The following DHRSX variants were observed in gnomAD, a reference collection of about 807,000 sequenced individuals.
DHRSX encodes the protein polyprenol dehydrogenase.
Under a neutral mutation model 34.0 loss-of-function variants are expected in DHRSX, and 31 were observed. That is an observed-to-expected ratio of 0.91 (90% CI 0.69 to 1.23). DHRSX has a LOEUF of 1.23. DHRSX is among the 50% of genes most tolerant of loss of function. The pLI is 0.00. For missense variants in DHRSX, 414 were observed against 428.1 expected (o/e 0.97, Z 0.29); for synonymous variants, 201 against 183.8 (o/e 1.09, Z -0.76).
intron 3 of DHRSX, among the ~76,000 whole-genome samples, chrX:2,319,247 C>T (rs1345410693): frequency 1.4e-5 from 2 of 146,916 alleles, no homozygotes; most frequent in East Asian, 2.1e-4. Context: ...TCCCCTCCCC[C>T]TCCTCTCCCT....
At chrX:2,349,314 G>A (rs1264376222) in intron 3 of DHRSX, among the ~76,000 whole-genome samples, 1 of 151,188 alleles carries the variant, frequency 6.6e-6, no homozygotes, top group East Asian at 1.9e-4. Context: ...CAGGCCTGGC[G>A]ACAGACTGAC....
intron 1 of DHRSX, among the ~76,000 whole-genome samples, chrX:2,468,105 G>T (rs6567551): frequency 0.34 from 51,107 of 151,892 alleles, 9,024 homozygotes; most frequent in African/African-American, 0.46. Context: ...AAGTCTACAC[G>T]AATATAAAGA....
intron 3 of DHRSX, among the ~76,000 whole-genome samples, chrX:2,338,930 A>C (rs1349973683): frequency 6.6e-6 from 1 of 151,850 alleles, no homozygotes; most frequent in Non-Finnish European, 1.5e-5. Flanking sequence ...TTCCCACGAG[A>C]CCACCTACTT....
chrX:2,478,161 C>T (rs935167256), intron 1 of DHRSX, among the ~76,000 whole-genome samples: 15 of 152,026 alleles, frequency 9.9e-5, no homozygotes, highest in South Asian at 2.1e-4. Context: ...AAGAAGGATG[C>T]GGACAGGGCA....
chrX:2,493,161 G>A (rs2045199596), intron 1 of DHRSX, among the ~76,000 whole-genome samples: 1 of 152,300 alleles, frequency 6.6e-6, no homozygotes, highest in Non-Finnish European at 1.5e-5. Context: ...TAACATGACC[G>A]GGACTTCCAC....
chrX:2,253,423 C>G (rs865789289), intron 5 of DHRSX, among the ~76,000 whole-genome samples: 1 of 136,374 alleles, frequency 7.3e-6, no homozygotes, highest in East Asian at 2.0e-4. Context: ...CGGACATGGC[C>G]GTGAGCCAAG....
rs759937255 is a variant in DHRSX, at chrX:2,432,023, T to C, written c.110-6719A>G. Among the ~76,000 whole-genome samples, 182 of 152,104 alleles carry C rather than the reference T, an allele frequency of 1.2e-3. 1 individual carries two copies. Among genetic ancestry groups the C allele is most frequent in the Non-Finnish European group, 2.1e-3 (145 of 67,986 alleles). ...CTGGCCAACATGGTGAAACCGCATCTCTACTAAAAATACAAAATTTAGCTG... is the reference window on the plus strand; with the variant it reads ...CTGGCCAACATGGTGAAACCGCATCCCTACTAAAAATACAAAATTTAGCTG... On this transcript the variant is annotated intron_variant, in intron 1 of 6. Coordinates refer to ENST00000334651, the MANE Select transcript of DHRSX (RefSeq NM_145177.3).
chrX:2,390,354 T>C (rs189111649), intron 3 of DHRSX, among the ~76,000 whole-genome samples: 1 of 151,452 alleles, frequency 6.6e-6, no homozygotes, highest in African/African-American at 2.4e-5. Flanking sequence ...GTCAGGCTCG[T>C]CTCAAACTCC....
At chrX:2,267,403 G>A (rs986671050) in intron 4 of DHRSX, among the ~76,000 whole-genome samples, 23 of 152,042 alleles carry the variant, frequency 1.5e-4, no homozygotes, top group African/African-American at 5.3e-4. Context: ...AAATTAGCCA[G>A]GTTTGGTGGC....
chrX:2,451,265 T>C (rs1002063810), intron 1 of DHRSX, among the ~76,000 whole-genome samples: 5 of 146,210 alleles, frequency 3.4e-5, no homozygotes, highest in Non-Finnish European at 7.5e-5. Flanking sequence ...GCATCAAGAA[T>C]GAAAGGTGCA....
chrX:2,361,111 T>C (rs1245744398), intron 3 of DHRSX, among the ~76,000 whole-genome samples: 1 of 152,092 alleles, frequency 6.6e-6, no homozygotes, highest in Non-Finnish European at 1.5e-5. Context: ...ATACACATTA[T>C]CATAAAAGTT....
At position 2,445,497 on chromosome X, in the gene DHRSX, T is replaced by C. The variant is rs770988987; in HGVS notation, c.110-20193A>G. Reference sequence around the variant, plus strand: ...AATGGTATTTGCTACTATCTGAAAGTTTGTGTTCCTCCCCCAAATTCCTGC... The same window carrying C: ...AATGGTATTTGCTACTATCTGAAAGCTTGTGTTCCTCCCCCAAATTCCTGC... On this transcript the variant is annotated intron_variant, in intron 1 of 6. Transcript: ENST00000334651. Among the ~76,000 whole-genome samples the C allele has an allele frequency of 2.0e-5, 3 of 152,250 alleles. No homozygotes were observed. The East Asian group carries it at 5.8e-4, about 29-fold the overall frequency.
chrX:2,371,245 G>A (rs1310267489), intron 3 of DHRSX, among the ~76,000 whole-genome samples: 12 of 141,508 alleles, frequency 8.5e-5, no homozygotes, highest in African/African-American at 2.9e-4. Context: ...CATTACCATA[G>A]TCCCTCCTCC....
intron 1 of DHRSX, among the ~76,000 whole-genome samples, chrX:2,450,040 C>A (rs767334892): frequency 2.6e-5 from 4 of 152,104 alleles, no homozygotes; most frequent in Admixed American, 2.0e-4. Flanking sequence ...ACCTCACATG[C>A]GTTACCTAAG....
At position 2,302,382 on chromosome X, in the gene DHRSX, C is replaced by T. The variant is rs182096122; in HGVS notation, c.287-10779G>A. Among the ~76,000 whole-genome samples, 72 of 152,190 alleles carry T rather than the reference C, an allele frequency of 4.7e-4. No homozygotes were observed. The East Asian group carries it at 0.013, about 27-fold the overall frequency. On this transcript the variant is annotated intron_variant, in intron 3 of 6. Transcript: ENST00000334651. ...ATCCCAGCACTTTGGGAGGCCAAAG[C>T]GGGCGGATCGCTTGAGGTCAGGAGC...
At chrX:2,264,858 A>G (rs2041423495) in intron 5 of DHRSX, among the ~76,000 whole-genome samples, 1 of 151,400 alleles carries the variant, frequency 6.6e-6, no homozygotes, top group African/African-American at 2.4e-5. Context: ...ACCCATGCCC[A>G]GCAGATGCAG....
Position 2,424,049 on chromosome X carries a change from T to C in DHRSX, c.217+1148A>G, listed in dbSNP as rs753756319. Among the ~76,000 whole-genome samples, 26 of 152,086 alleles carry C rather than the reference T, an allele frequency of 1.7e-4. No individual in the cohort carries two copies. The South Asian group carries it at 5.4e-3, about 32-fold the overall frequency. The stretch of plus-strand genomic sequence containing the variant: ...AATGTGACTGTGTTTGGAAATAAGG[T>C]CTTTAAAGTGGTGATTAAGGTAAAA... On this transcript the variant is annotated intron_variant, in intron 2 of 6. Coordinates refer to ENST00000334651, the MANE Select transcript of DHRSX (RefSeq NM_145177.3).
chrX:2,403,856 C>CAA (rs529721291), intron 3 of DHRSX, among the ~76,000 whole-genome samples: 2,093 of 90,124 alleles, frequency 0.023, 22 homozygotes, highest in Middle Eastern at 0.12. Flanking sequence ...AACTCTGTCT[C>CAA]AAAAAAAAAA....
chrX:2,489,683 AGCATG>A (rs758947929), intron 1 of DHRSX: 1 of 1,612,534 alleles, frequency 6.2e-7, no homozygotes, highest in Non-Finnish European at 8.5e-7. Context: ...GTTGCTCACC[AGCATG>A]CAGTGGGCCA....
Sources: allele counts gnomAD v4.1 joint callset (sites outside exome capture counted in the v4.1 genomes callset), GRCh38; gene constraint gnomAD v4.1.1; transcripts MANE v1.5; gene names NCBI Gene and HGNC (gene_info 2026-07-23, HGNC 2026-07-21).